EIF2D: variants seen among roughly 807,000 people sequenced by gnomAD.
EIF2D encodes hepatocellular carcinoma-associated antigen 56.
Under a neutral mutation model 77.4 loss-of-function variants are expected in EIF2D, and 56 were observed. The observed-to-expected ratio is 0.72, with a 90% CI of 0.58 to 0.90. The LOEUF (loss-of-function observed/expected upper bound fraction) is 0.90, where lower values mean the gene tolerates loss of function less well. Ranked by LOEUF, EIF2D falls within the 40% of genes least tolerant of loss-of-function variation. The probability of loss-of-function intolerance (pLI) is 0.00; values close to 1 mark genes in which losing one functional copy is unlikely to be tolerated. For synonymous variants in EIF2D, 230 were observed against 271.0 expected, an observed-to-expected ratio of 0.85 and a Z score of 1.49; for missense variants, 574 against 706.5, an observed-to-expected ratio of 0.81 and a Z score of 2.13.
At chr1:206,572,855 A>G (rs544178331) in intron 4 of EIF2D, among the ~76,000 whole-genome samples, 1 of 152,330 alleles carries the variant, frequency 6.6e-6, no homozygotes, top group East Asian at 1.9e-4. Flanking sequence ...CCCAAAGACA[A>G]AAGTTCTTAG....
rs1413335786 is a variant in EIF2D, at chr1:206,608,228, C to T, written c.422+8G>A. 1.2e-6 allele frequency: 2 copies of T among 1,611,064 alleles called. No homozygotes were observed. Among genetic ancestry groups the T allele is most frequent in the South Asian group, 2.2e-5 (2 of 90,640 alleles). On this transcript the variant is annotated splice_region_variant and intron_variant, in intron 4 of 14. Transcript: ENST00000271764. ...TTCCCCCAAAGGCACAGTTGCCTGGCACAGTACCTGTTCCCCACCAAAGAA... is the reference window on the plus strand; with the variant it reads ...TTCCCCCAAAGGCACAGTTGCCTGGTACAGTACCTGTTCCCCACCAAAGAA...
In EIF2D at chr1:206,595,855, G is replaced by A; in HGVS notation, c.1389-17C>T. 1.2e-6 allele frequency: 2 copies of A among 1,613,518 alleles called. No individual in the cohort carries two copies. Among genetic ancestry groups the A allele is most frequent in the Non-Finnish European group, 1.7e-6 (2 of 1,179,612 alleles). ...TCCAAACACCTGAAACAGAAGTTAT[G>A]AGTTGCAAACTGATAAAGCCAACAG... On this transcript the variant is annotated splice_polypyrimidine_tract_variant and intron_variant, in intron 12 of 14. Transcript: ENST00000271764.
At chr1:206,586,601 A>C in intron 2 of EIF2D, 1 of 509,016 alleles carries the variant, frequency 2.0e-6, no homozygotes, top group Non-Finnish European at 3.5e-6. Flanking sequence ...TGGTTCATAG[A>C]CTGGCAACTC....
downstream of EIF2D, chr1:206,587,343 C>T (rs1269628074): frequency 3.0e-6 from 1 of 328,078 alleles, no homozygotes; most frequent in Non-Finnish European, 5.9e-6. Flanking sequence ...GCTGTGTGTT[C>T]TTTCTCTGGC....
chr1:206,598,603 G>A (rs2051266584), intron 11 of EIF2D, among the ~76,000 whole-genome samples: 1 of 150,100 alleles, frequency 6.7e-6, no homozygotes. Flanking sequence ...ACCCTGCCTT[G>A]ATCGTTATAC....
Position 206,584,361 on chromosome 1 carries a change from C to G in EIF2D, c.139-3199G>C. 7.5e-6 allele frequency: 12 copies of G among 1,591,736 alleles called. No homozygotes were observed. The highest frequency in any genetic ancestry group is 1.0e-5 in the Non-Finnish European group (12 of 1,167,980). On this transcript the variant is annotated intron_variant and NMD_transcript_variant, in intron 2 of 5. Coordinates refer to the EIF2D transcript ENST00000472709. This position sits in a 1 kb window ranked among gnomAD's most constrained non-coding sequence, Gnocchi z 4.9. ...ATCATGCAAGGCGGACGGCCCTGACCCCCTGTGACATGCCCCCGCTGGCAG... is the reference window on the plus strand; with the variant it reads ...ATCATGCAAGGCGGACGGCCCTGACGCCCTGTGACATGCCCCCGCTGGCAG...
intron 6 of EIF2D, chr1:206,602,710 G>T (rs1296575150): frequency 2.1e-5 from 14 of 663,380 alleles, no homozygotes; most frequent in Non-Finnish European, 3.5e-5. Flanking sequence ...ACCTTGGAGG[G>T]CTTTGTAGCT....
At chr1:206,578,233 A>T (rs1282232874) in intron 4 of EIF2D, among the ~76,000 whole-genome samples, 25,383 of 117,236 alleles carry the variant, frequency 0.22, 2,421 homozygotes, top group Middle Eastern at 0.4. Flanking sequence ...AAAAAAAAAA[A>T]GTGTGTGTGT....
At chr1:206,575,355 T>C (rs1378747400) in intron 4 of EIF2D, among the ~76,000 whole-genome samples, 2 of 152,208 alleles carry the variant, frequency 1.3e-5, no homozygotes, top group African/African-American at 4.8e-5. Context: ...TGCTAAGAGC[T>C]GAGAAAGAGG....
chr1:206,602,709 G>A, intron 6 of EIF2D: 1 of 663,210 alleles, frequency 1.5e-6, no homozygotes, highest in Non-Finnish European at 2.5e-6. Context: ...AACCTTGGAG[G>A]GCTTTGTAGC....
chr1:206,584,503 C>A lies in EIF2D; in HGVS notation c.139-3341G>T. The A allele has an allele frequency of 1.2e-6, 2 of 1,614,088 alleles. No homozygotes were observed. The highest frequency in any genetic ancestry group is 1.7e-6 in the Non-Finnish European group (2 of 1,179,994). ...TCTATGATGCCATCAAGGAGGTGAA[C>A]CTGGCGGCTACCACGGACAAGCGGA... On this transcript the variant is annotated intron_variant and NMD_transcript_variant, in intron 2 of 5. Coordinates refer to the EIF2D transcript ENST00000472709. The surrounding 1 kb of genome is among the most constrained non-coding windows in gnomAD (Gnocchi z 4.9).
intron 1 of EIF2D, 21 bp from the exon 2 acceptor site, chr1:206,611,395 C>T: frequency 6.3e-7 from 1 of 1,599,940 alleles, no homozygotes; most frequent in Non-Finnish European, 8.5e-7. Context: ...CACACCAGCA[C>T]TGTGAATGCT....
intron 7 of EIF2D, 58 bp from the exon 8 acceptor site, chr1:206,600,366 T>C (rs1458065844): frequency 6.5e-7 from 1 of 1,529,114 alleles, no homozygotes; most frequent in Non-Finnish European, 9.0e-7. Flanking sequence ...GGGACCTGCC[T>C]GACACTGAGA....
Position 206,599,904 on chromosome 1 carries a change from T to A in EIF2D, c.949-68A>T. Reference sequence around the variant, plus strand: ...ACACACATACTGAGCACCCAGGATGTGCCAGAGTGAGCTAGGCAGGGACTG... The same window carrying A: ...ACACACATACTGAGCACCCAGGATGAGCCAGAGTGAGCTAGGCAGGGACTG... On this transcript the variant is annotated intron_variant, in intron 8 of 14. Transcript: ENST00000271764. The surrounding 1 kb of genome is among the most constrained non-coding windows in gnomAD (Gnocchi z 4.1). 1 of 1,478,492 alleles carries A rather than the reference T, an allele frequency of 6.8e-7. No individual in the cohort carries two copies. The highest frequency in any genetic ancestry group is 9.4e-7 in the Non-Finnish European group (1 of 1,063,724). The allele number at this position is 1,478,492 out of a possible 1,614,324, so 91.6% of individuals were successfully genotyped here. A position where few individuals can be genotyped will look rare whatever the true frequency, so the allele number is the denominator to read the frequency against.
At chr1:206,588,950 GAAAA>G (rs1261089762), downstream of EIF2D, 1 of 150,334 alleles carries the variant, frequency 6.7e-6, no homozygotes, top group African/African-American at 2.5e-5. Context: ...TTTTGAGAAG[GAAAA>G]AAAAAGTCAT....
intron 12 of EIF2D, among the ~76,000 whole-genome samples, chr1:206,596,134 C>G (rs1572391950): frequency 1.3e-5 from 2 of 152,340 alleles, no homozygotes; most frequent in East Asian, 3.9e-4. Flanking sequence ...CTGACCTGGC[C>G]TTTTGAGAAT....
chr1:206,594,042 ACTT>A (rs1348386346), intron 13 of EIF2D: 7 of 315,630 alleles, frequency 2.2e-5, no homozygotes, highest in Middle Eastern at 8.5e-4. Flanking sequence ...CAGAATGTCT[ACTT>A]CTTTTTTAAG....
chr1:206,597,072 T>G (rs938141826), intron 12 of EIF2D, 28 bp downstream of exon 12: 13 of 1,564,558 alleles, frequency 8.3e-6, no homozygotes, highest in Non-Finnish European at 1.1e-5. Flanking sequence ...GATAGAAAAG[T>G]TGGAGAGGGA....
chr1:206,599,160 GACTC>G lies in EIF2D; in HGVS notation c.1203-72_1203-69del, dbSNP rs1400047132. 37 of 1,452,580 alleles carry G rather than the reference GACTC, an allele frequency of 2.5e-5. No individual in the cohort carries two copies. In the East Asian group the frequency reaches 7.9e-4, roughly 31 times the overall value. 90.0% of individuals were successfully genotyped at this position (1,452,580 alleles called of 1,614,324 possible). On this transcript the variant is annotated intron_variant, in intron 10 of 14. Transcript: ENST00000271764. This position sits in a 1 kb window ranked among gnomAD's most constrained non-coding sequence, Gnocchi z 4.1. ...CATGAGACAAAAATGCAGATGCCCA[GACTC>G]ACTCCCTGCTGAGCAGGGAACTTTC...
Sources: allele counts gnomAD v4.1 joint callset (sites outside exome capture counted in the v4.1 genomes callset), GRCh38; gene constraint gnomAD v4.1.1; non-coding constraint Gnocchi (gnomAD v3.1); transcripts MANE v1.5; gene names NCBI Gene and HGNC (gene_info 2026-07-23, HGNC 2026-07-21).